Variants in ESR1 observed in about 807,000 individuals in gnomAD.
ESR1 encodes estrogen receptor.
ESR1 carries 12 observed loss-of-function variants against 52.7 expected under a neutral mutation model. That is an observed-to-expected ratio of 0.23 (90% CI 0.15 to 0.37). ESR1 has a LOEUF of 0.37. Ranked by LOEUF, ESR1 falls within the 10% of genes least tolerant of loss-of-function variation. ESR1 has a pLI of 1.00. For missense variants in ESR1, 584 were observed against 779.7 expected (o/e 0.75, Z 2.99); for synonymous variants, 305 against 316.8 (o/e 0.96, Z 0.39).
At chr6:152,088,527 G>A (rs376151111) in intron 6 of ESR1, among the ~76,000 whole-genome samples, 1 of 152,192 alleles carries the variant, frequency 6.6e-6, no homozygotes, top group Non-Finnish European at 1.5e-5. Context: ...AAGATTCTGC[G>A]CTCATGAGTG....
chr6:151,832,197 T>G (rs1200538628), intron 1 of ESR1, among the ~76,000 whole-genome samples: 2 of 152,218 alleles, frequency 1.3e-5, no homozygotes, highest in Non-Finnish European at 2.9e-5. Context: ...TATTTTGTCA[T>G]GCAGGAAACA....
chr6:152,074,289 C>G (rs2128993273), intron 6 of ESR1, among the ~76,000 whole-genome samples: 1 of 152,308 alleles, frequency 6.6e-6, no homozygotes, highest in East Asian at 1.9e-4. Context: ...GATCTTTTTA[C>G]TGTCTCCACA....
intron 2 of ESR1, among the ~76,000 whole-genome samples, chr6:151,778,186 A>G (rs79905800): frequency 1.3e-5 from 2 of 152,056 alleles, no homozygotes; most frequent in Non-Finnish European, 2.9e-5. Context: ...TATATAAACT[A>G]CCTAGAATAG....
At chr6:151,853,169 CAAAAAAAAAAA>C (rs386408969) in intron 2 of ESR1, among the ~76,000 whole-genome samples, 10 of 42,882 alleles carry the variant, frequency 2.3e-4, no homozygotes, top group Admixed American at 4.0e-4. Flanking sequence ...AGACTCGTCT[CAAAAAAAAAAA>C]AAAAAAAAAA....
chr6:151,969,157 C>G (rs970521987), intron 4 of ESR1, among the ~76,000 whole-genome samples: 4 of 152,130 alleles, frequency 2.6e-5, no homozygotes, highest in Non-Finnish European at 4.4e-5. Context: ...CCAGGAAGAA[C>G]CTGGTTACCT....
intron 3 of ESR1, among the ~76,000 whole-genome samples, chr6:151,905,324 A>C (rs1204727010): frequency 6.6e-6 from 1 of 152,252 alleles, no homozygotes; most frequent in Non-Finnish European, 1.5e-5. Flanking sequence ...GATGTATTGC[A>C]TTATGCTTAG....
upstream of ESR1, among the ~76,000 whole-genome samples, chr6:151,800,472 G>T (rs761342106): frequency 6.6e-6 from 1 of 152,174 alleles, no homozygotes; most frequent in Non-Finnish European, 1.5e-5. Context: ...CACTCAATGT[G>T]ACTGTATCTG....
intron 3 of ESR1, among the ~76,000 whole-genome samples, chr6:151,941,346 A>G (rs954834694): frequency 3.3e-5 from 5 of 152,148 alleles, no homozygotes; most frequent in South Asian, 2.1e-4. Context: ...TATAAATCGT[A>G]TTTGGGTAAT....
intron 3 of ESR1, among the ~76,000 whole-genome samples, chr6:151,902,621 G>C (rs758763269): frequency 6.6e-6 from 1 of 152,176 alleles, no homozygotes; most frequent in Non-Finnish European, 1.5e-5. Flanking sequence ...CTGTTGATAG[G>C]TGTGTAACCT....
chr6:151,687,379 C>T (rs149983420), upstream of ESR1, among the ~76,000 whole-genome samples: 394 of 152,222 alleles, frequency 2.6e-3, 3 homozygotes, highest in African/African-American at 9.0e-3. Context: ...TTGCTCTTCA[C>T]GAGGAAAGCC....
At chr6:151,974,367 G>C (rs975704185) in intron 4 of ESR1, among the ~76,000 whole-genome samples, 2 of 152,050 alleles carry the variant, frequency 1.3e-5, no homozygotes, top group Non-Finnish European at 2.9e-5. Flanking sequence ...TTTGCTGAGG[G>C]AAGGAATAAA....
chr6:151,996,247 G>T (rs115193956), intron 4 of ESR1, among the ~76,000 whole-genome samples: 1 of 152,268 alleles, frequency 6.6e-6, no homozygotes, highest in African/African-American at 2.4e-5. Flanking sequence ...TCAGCAAGGT[G>T]TTATGGTCCT....
chr6:151,847,185 C>T (rs1785288734), intron 2 of ESR1, among the ~76,000 whole-genome samples: 1 of 152,170 alleles, frequency 6.6e-6, no homozygotes, highest in Non-Finnish European at 1.5e-5. Context: ...CAGTGGGGAC[C>T]TTAGGTCCTA....
At chr6:151,675,107 A>G (rs1157305099) in intron 1 of ESR1, among the ~76,000 whole-genome samples, 2 of 152,348 alleles carry the variant, frequency 1.3e-5, no homozygotes, top group East Asian at 1.9e-4. Flanking sequence ...AGAGAATGGC[A>G]CTTGTACTAT....
chr6:151,868,789 A>G (rs545876368), intron 2 of ESR1, among the ~76,000 whole-genome samples: 1 of 152,248 alleles, frequency 6.6e-6, no homozygotes, highest in South Asian at 2.1e-4. Flanking sequence ...TGTCTTTTCA[A>G]TAGAACAATT....
At chr6:151,760,283 C>T (rs1457142722) in intron 2 of ESR1, among the ~76,000 whole-genome samples, 5 of 152,206 alleles carry the variant, frequency 3.3e-5, no homozygotes, top group African/African-American at 1.2e-4. Flanking sequence ...AGGTAGAACT[C>T]ATTGCCTTTC....
intron 2 of ESR1, among the ~76,000 whole-genome samples, chr6:151,844,350 C>G (rs1784781001): frequency 6.6e-6 from 1 of 151,706 alleles, no homozygotes; most frequent in Admixed American, 6.6e-5. Context: ...TTGTTTTTAC[C>G]AAGCATTTAA....
chr6:151,690,980 G>T (rs1028112826), intron 1 of ESR1, among the ~76,000 whole-genome samples: 1 of 152,150 alleles, frequency 6.6e-6, no homozygotes, highest in African/African-American at 2.4e-5. Context: ...TAAATGTATT[G>T]GATCTAGCAC....
chr6:151,818,838 G>T (rs1490124743), intron 1 of ESR1, among the ~76,000 whole-genome samples: 1 of 151,012 alleles, frequency 6.6e-6, no homozygotes, highest in Non-Finnish European at 1.5e-5. Flanking sequence ...TATATACCTG[G>T]TATACATATA....
Sources: allele counts gnomAD v4.1 joint callset (sites outside exome capture counted in the v4.1 genomes callset), GRCh38; gene constraint gnomAD v4.1.1; transcripts MANE v1.5; gene names NCBI Gene and HGNC (gene_info 2026-07-23, HGNC 2026-07-21).